Variants in PDCD5 observed in about 807,000 individuals in gnomAD.
PDCD5 encodes programmed cell death protein 5.
A neutral mutation model predicts 21.9 loss-of-function variants in PDCD5; 23 were observed. The ratio of observed to expected loss-of-function variants is 1.05; its 90% confidence interval spans 0.76 to 1.49. PDCD5 has a LOEUF of 1.49. Among genes scored for constraint, PDCD5 ranks in the 40% most tolerant of loss-of-function variants. PDCD5 has a pLI of 0.00. For missense variants in PDCD5, 152 were observed against 147.7 expected, an observed-to-expected ratio of 1.03 and a Z score of -0.15; for synonymous variants, 45 against 49.4, an observed-to-expected ratio of 0.91 and a Z score of 0.37.
intron 4 of PDCD5, chr19:32,586,473 G>T: frequency 5.4e-6 from 6 of 1,104,462 alleles, no homozygotes; most frequent in Non-Finnish European, 6.6e-6. Flanking sequence ...TTCCGAGTGT[G>T]ACTTACCTCC....
chr19:32,581,203 G>T lies in PDCD5; in HGVS notation c.-59G>T. On this transcript the variant is annotated 5_prime_UTR_variant, in exon 1 of 6. Transcript: ENST00000590247. ...GAGCGCCTGCGCAGTGGTCAAGGCC[G>T]CGCTCGCGCCGAGGGGCTGCGAGAG... 7.7e-7 allele frequency: 1 copy of T among 1,304,448 alleles called. No homozygotes were observed. Among genetic ancestry groups the T allele is most frequent in the Non-Finnish European group, 1.0e-6 (1 of 978,876 alleles). The allele number at this position is 1,304,448 out of a possible 1,614,324, so 80.8% of individuals were successfully genotyped here.
At position 32,581,233 on chromosome 19, in the gene PDCD5, C is replaced by A. The variant is rs763633056; in HGVS notation, c.-29C>A. On this transcript the variant is annotated 5_prime_UTR_variant, in exon 1 of 6. Coordinates refer to ENST00000590247, the MANE Select transcript of PDCD5 (RefSeq NM_004708.4). ...CGCGCCGAGGGGCTGCGAGAGTGAC[C>A]GCGGCTGCTCCAGCGCTGACGCCGA... The A allele has an allele frequency of 1.4e-6, 2 of 1,468,406 alleles. No homozygotes were observed. Among genetic ancestry groups the A allele is most frequent in the South Asian group, 1.3e-5 (1 of 76,664 alleles). The allele number at this position is 1,468,406 out of a possible 1,614,324, so 91.0% of individuals were successfully genotyped here. A position where few individuals can be genotyped will look rare whatever the true frequency, so the allele number is the denominator to read the frequency against.
At chr19:32,581,511 C>T (rs1336322676) in intron 1 of PDCD5, 184 bp downstream of exon 1, 3 of 382,342 alleles carry the variant, frequency 7.8e-6, no homozygotes, top group Admixed American at 4.6e-5. Context: ...GCGAGGGGCC[C>T]AGGAGGCTGG....
chr19:32,584,886 G>GT (rs1971461291), intron 2 of PDCD5, 64 bp from the exon 3 acceptor site: 2 of 1,328,968 alleles, frequency 1.5e-6, no homozygotes, highest in Admixed American at 1.7e-5. Flanking sequence ...GTTCTTTCTC[G>GT]TATGTTACAT....
chr19:32,581,213 C>T lies in PDCD5; in HGVS notation c.-49C>T, dbSNP rs996261044. 10 of 1,384,800 alleles carry T rather than the reference C, an allele frequency of 7.2e-6. No homozygotes were observed. The Admixed American group carries it at 7.3e-5, about 10-fold the overall frequency. The allele number at this position is 1,384,800 out of a possible 1,614,324, so 85.8% of individuals were successfully genotyped here. On this transcript the variant is annotated 5_prime_UTR_variant, in exon 1 of 6. Transcript: ENST00000590247. ...GCAGTGGTCAAGGCCGCGCTCGCGCCGAGGGGCTGCGAGAGTGACCGCGGC... is the reference window on the plus strand; with the variant it reads ...GCAGTGGTCAAGGCCGCGCTCGCGCTGAGGGGCTGCGAGAGTGACCGCGGC...
Position 32,586,181 on chromosome 19 carries a change from G to A in PDCD5, c.258+274G>A, listed in dbSNP as rs931299419. 3 of 1,449,344 alleles carry A rather than the reference G, an allele frequency of 2.1e-6. No individual in the cohort carries two copies. In the Admixed American group the frequency reaches 8.1e-5, roughly 39 times the overall value. 89.8% of individuals were successfully genotyped at this position (1,449,344 alleles called of 1,614,324 possible). A position where few individuals can be genotyped will look rare whatever the true frequency, so the allele number is the denominator to read the frequency against. ...GCTAGCTTCAATTGCCCCTGCACTG[G>A]AAGCAAGGTTTGTCAGTAACACCAA... On this transcript the variant is annotated intron_variant, in intron 4 of 5. Transcript: ENST00000590247.
At position 32,587,395 on chromosome 19, in the gene PDCD5, T is replaced by A. The variant is rs1971488338; in HGVS notation, c.*95T>A. ...CTTTGTTTATTGTCTATATGCCTTTTAAAAAAATAAACTTGTTATGCAAAA... is the reference window on the plus strand; with the variant it reads ...CTTTGTTTATTGTCTATATGCCTTTAAAAAAAATAAACTTGTTATGCAAAA... On this transcript the variant is annotated 3_prime_UTR_variant, in exon 6 of 6. Transcript: ENST00000590247. 4 of 762,510 alleles carry A rather than the reference T, an allele frequency of 5.2e-6. No individual in the cohort carries two copies. The highest frequency in any genetic ancestry group is 2.8e-5 in the Admixed American group (1 of 36,172). 47.2% of individuals were successfully genotyped at this position (762,510 alleles called of 1,614,324 possible). A position where few individuals can be genotyped will look rare whatever the true frequency, so the allele number is the denominator to read the frequency against.
intron 1 of PDCD5, among the ~76,000 whole-genome samples, chr19:32,581,868 C>CT (rs1404678531): frequency 6.6e-6 from 1 of 152,158 alleles, no homozygotes; most frequent in African/African-American, 2.4e-5. Flanking sequence ...AGGGCGCAGT[C>CT]TTTGAGTTAT....
rs1321190074 is a variant in PDCD5 at position 32,582,184 on chromosome 19, T to G, written c.67-11T>G. On this transcript the variant is annotated splice_polypyrimidine_tract_variant and intron_variant, in intron 1 of 5. Transcript: ENST00000590247. ...AAATTTCTCTATTAAATTTAAGTTT[T>G]TTTTTTCCAGGATCCTGGTGATGCG... 11 of 1,610,144 alleles carry G rather than the reference T, an allele frequency of 6.8e-6. No homozygotes were observed. Among genetic ancestry groups the G allele is most frequent in the Non-Finnish European group, 9.3e-6 (11 of 1,177,160 alleles).
In PDCD5 at chr19:32,582,247, CGT is replaced by C. The variant is rs1345214573; in HGVS notation, c.104+17_104+18del. 3.1e-6 allele frequency: 5 copies of C among 1,607,416 alleles called. No homozygotes were observed. Among genetic ancestry groups the C allele is most frequent in the Non-Finnish European group, 1.7e-6 (2 of 1,174,436 alleles). On this transcript the variant is annotated intron_variant, in intron 2 of 5. Coordinates refer to ENST00000590247, the MANE Select transcript of PDCD5 (RefSeq NM_004708.4). ...GCAAAGCACAGGTATGGGCTGGAAA[CGT>C]GAACTTTTTGAAGGGTGGTTTCACC...
At position 32,587,239 on chromosome 19, in the gene PDCD5, A is replaced by AT; in HGVS notation, c.331-14_331-13insT. ...ATTAGAAATGTTCTGACACTCATTT[A>AT]ATTTTCCTCCCAGTTCAACAGAAGA... On this transcript the variant is annotated splice_polypyrimidine_tract_variant and intron_variant, in intron 5 of 5. Coordinates refer to ENST00000590247, the MANE Select transcript of PDCD5 (RefSeq NM_004708.4). 6.4e-7 allele frequency: 1 copy of AT among 1,574,294 alleles called. No individual in the cohort carries two copies. The highest frequency in any genetic ancestry group is 8.7e-7 in the Non-Finnish European group (1 of 1,146,292).
chr19:32,587,138 C>G (rs1287279434), intron 5 of PDCD5, 115 bp from the exon 6 acceptor site: 8 of 908,168 alleles, frequency 8.8e-6, no homozygotes, highest in Non-Finnish European at 1.4e-5. Context: ...TTAGTTCACG[C>G]TAAGTTGCTT....
chr19:32,587,363 T>A lies in PDCD5; in HGVS notation c.*63T>A, dbSNP rs1360058798. On this transcript the variant is annotated 3_prime_UTR_variant, in exon 6 of 6. Coordinates refer to ENST00000590247, the MANE Select transcript of PDCD5 (RefSeq NM_004708.4). ...GTCTAGGACAGAAGTTAAGATCTGA[T>A]TATTTACTTTGTTTATTGTCTATAT... 29 of 1,126,660 alleles carry A rather than the reference T, an allele frequency of 2.6e-5. No homozygotes were observed. The East Asian group carries it at 6.4e-4, about 25-fold the overall frequency. The allele number at this position is 1,126,660 out of a possible 1,614,324, so 69.8% of individuals were successfully genotyped here.
In PDCD5 at chr19:32,584,943, G is replaced by A. The variant is rs76303011; in HGVS notation, c.105-7G>A. ...TTAATTGTGTTTGACCTATGTTTTC[G>A]TTGTAGGGAAGCAGAAATGAGAAAC... On this transcript the variant is annotated splice_polypyrimidine_tract_variant and splice_region_variant and intron_variant, in intron 2 of 5. Transcript: ENST00000590247. 5,170 of 1,612,420 alleles carry A rather than the reference G, an allele frequency of 3.2e-3. 143 individuals are homozygous for A. The African/African-American group carries it at 0.057, about 18-fold the overall frequency.
At chr19:32,586,450 T>C (rs1024195593) in intron 4 of PDCD5, 1 of 1,113,110 alleles carries the variant, frequency 9.0e-7, no homozygotes, top group South Asian at 2.8e-5. Context: ...AGAGAGCTGG[T>C]TGGGTTGATC....
rs372958688 is a variant in PDCD5, at chr19:32,587,297, T to C, written c.375T>C (p.Tyr125=). 19 of 1,603,988 alleles carry C rather than the reference T, an allele frequency of 1.2e-5. No individual in the cohort carries two copies. In the African/African-American group the frequency reaches 2.0e-4, roughly 17 times the overall value. ...KVMDSDEDDD[Y] is the part of the protein sequence containing the mutation. Reference sequence around the variant, plus strand: ...TGGACTCTGATGAAGATGACGATTATTGAACTACAAGTGCTCACAGACTAG... The same window carrying C: ...TGGACTCTGATGAAGATGACGATTACTGAACTACAAGTGCTCACAGACTAG... The change falls in exon 6 of 6, where the codon TAT becomes TAC. Residue 125 remains tyrosine, a synonymous_variant. Transcript: ENST00000590247.
At chr19:32,582,916 A>C (rs1451756147) in intron 2 of PDCD5, among the ~76,000 whole-genome samples, 10 of 152,186 alleles carry the variant, frequency 6.6e-5, no homozygotes, top group Non-Finnish European at 1.3e-4. Flanking sequence ...AGAAATAGGA[A>C]GGGAGGGTTC....
intron 1 of PDCD5, 44 bp from the exon 2 acceptor site, chr19:32,582,151 C>G (rs1477266342): frequency 1.4e-6 from 2 of 1,465,188 alleles, no homozygotes; most frequent in Non-Finnish European, 1.9e-6. Flanking sequence ...TTCCCGCCGC[C>G]TCCCGTGAAA....
intron 4 of PDCD5, chr19:32,586,405 C>T: frequency 8.5e-7 from 1 of 1,170,344 alleles, no homozygotes; most frequent in South Asian, 2.2e-5. Flanking sequence ...GGTCCTGTCC[C>T]CTAAACCCCT....
Sources: allele counts gnomAD v4.1 joint callset (sites outside exome capture counted in the v4.1 genomes callset), GRCh38; gene constraint gnomAD v4.1.1; transcripts MANE v1.5; gene names NCBI Gene and HGNC (gene_info 2026-07-23, HGNC 2026-07-21).